The following ABCC4 variants were observed in gnomAD, a reference collection of about 807,000 sequenced individuals.
ABCC4 encodes the protein ATP-binding cassette sub-family C member 4.
Under a neutral mutation model 168.5 loss-of-function variants are expected in ABCC4, and 102 were observed. That is an observed-to-expected ratio of 0.61 (90% CI 0.52 to 0.71). ABCC4 has a LOEUF of 0.71. Ranked by LOEUF, ABCC4 falls within the 30% of genes least tolerant of loss-of-function variation. The pLI is 0.00. For missense variants in ABCC4, 1,402 were observed against 1,605.8 expected (o/e 0.87, Z 2.17); for synonymous variants, 617 against 590.7 (o/e 1.04, Z -0.65).
At chr13:95,222,538 G>A (rs1449431543) in intron 4 of ABCC4, among the ~76,000 whole-genome samples, 1 of 152,186 alleles carries the variant, frequency 6.6e-6, no homozygotes, top group African/African-American at 2.4e-5. Context: ...TGTGGGGTGG[G>A]GGTGCTACAA....
chr13:95,176,379 C>T (rs2037703030), intron 13 of ABCC4, among the ~76,000 whole-genome samples: 1 of 151,954 alleles, frequency 6.6e-6, no homozygotes, highest in African/African-American at 2.4e-5. Flanking sequence ...CCTGTAGTCA[C>T]AGCTACCCGG....
intron 21 of ABCC4, among the ~76,000 whole-genome samples, chr13:95,078,509 T>C (rs1314588671): frequency 6.6e-6 from 1 of 152,210 alleles, no homozygotes; most frequent in African/African-American, 2.4e-5. Flanking sequence ...CTATAACCTG[T>C]AACTTTGCAC....
At chr13:95,270,792 C>T (rs556466864) in intron 1 of ABCC4, among the ~76,000 whole-genome samples, 179 of 152,302 alleles carry the variant, frequency 1.2e-3, no homozygotes, top group Middle Eastern at 3.4e-3. Flanking sequence ...CTTTCAGATG[C>T]CTCATAGATG....
At chr13:95,240,101 T>C (rs757547776) in intron 3 of ABCC4, among the ~76,000 whole-genome samples, 8 of 152,016 alleles carry the variant, frequency 5.3e-5, no homozygotes, top group Admixed American at 2.0e-4. Context: ...TAGATCTAAC[T>C]ACTAACTTCT....
At chr13:95,165,071 T>C (rs527558718) in intron 15 of ABCC4, among the ~76,000 whole-genome samples, 1 of 152,270 alleles carries the variant, frequency 6.6e-6, no homozygotes, top group Admixed American at 6.5e-5. Flanking sequence ...CATTTGGACA[T>C]TGTGGCGTGG....
At chr13:95,270,533 T>C (rs2040821414) in intron 1 of ABCC4, among the ~76,000 whole-genome samples, 1 of 152,130 alleles carries the variant, frequency 6.6e-6, no homozygotes, top group African/African-American at 2.4e-5. Flanking sequence ...TCCTTTGCAG[T>C]TTGGTGAGAC....
chr13:95,049,468 C>T (rs973343634), intron 27 of ABCC4, among the ~76,000 whole-genome samples: 6 of 151,932 alleles, frequency 3.9e-5, no homozygotes, highest in East Asian at 1.9e-4. Flanking sequence ...GGTGAAACCC[C>T]GTCTCTACTA....
rs1331339155 is a variant in ABCC4 at position 95,021,368 on chromosome 13, A to G, written c.*207T>C. ...GGCCTGCACCTCTGATTTGGATTTT[A>G]AAAAACAACTATTGACATTTAAATA... On this transcript the variant is annotated 3_prime_UTR_variant, in exon 31 of 31. Coordinates refer to ENST00000645237, the MANE Select transcript of ABCC4 (RefSeq NM_005845.5). 2.0e-6 allele frequency: 1 copy of G among 492,052 alleles called. No homozygotes were observed. Among genetic ancestry groups the G allele is most frequent in the East Asian group, 3.3e-5 (1 of 30,516 alleles). The allele number at this position is 492,052 out of a possible 1,614,324, so 30.5% of individuals were successfully genotyped here.
intron 28 of ABCC4, 81 bp downstream of exon 28, chr13:95,044,185 A>G (rs1455314901): frequency 9.8e-6 from 13 of 1,329,908 alleles, no homozygotes; most frequent in Non-Finnish European, 1.3e-5. Flanking sequence ...GCACTTAGAA[A>G]TATTTCTCAG....
At chr13:95,045,967 A>T (rs1167115521) in intron 27 of ABCC4, among the ~76,000 whole-genome samples, 1 of 152,216 alleles carries the variant, frequency 6.6e-6, no homozygotes, top group Admixed American at 6.5e-5. Flanking sequence ...TATGGTATTG[A>T]TATTTGGCAT....
chr13:95,261,080 CA>C lies in ABCC4; in HGVS notation c.75-13328del, dbSNP rs2040520779. On this transcript the variant is annotated intron_variant, in intron 1 of 30. Transcript: ENST00000645237. The stretch of plus-strand genomic sequence containing the variant: ...AACATCGCAACCCAAGTCATCTTTT[CA>C]AAAACAATTTTGTAAATGTCCTATT... 2.0e-5 allele frequency among the ~76,000 whole-genome samples: 3 copies of C among 151,986 alleles called. No individual in the cohort carries two copies. In the South Asian group the frequency reaches 6.3e-4, roughly 32 times the overall value.
At chr13:95,049,565 C>T (rs1594008576) in intron 27 of ABCC4, among the ~76,000 whole-genome samples, 2 of 151,852 alleles carry the variant, frequency 1.3e-5, no homozygotes, top group South Asian at 2.1e-4. Flanking sequence ...CGCTTGGACC[C>T]GGGAGGCGGA....
intron 3 of ABCC4, among the ~76,000 whole-genome samples, chr13:95,244,334 G>A (rs1391929970): frequency 5.1e-4 from 78 of 151,758 alleles, no homozygotes; most frequent in Admixed American, 5.1e-3. Context: ...GGTGATTCCT[G>A]CCTATAATCC....
intron 1 of ABCC4, among the ~76,000 whole-genome samples, chr13:95,251,443 A>G (rs2040257542): frequency 6.6e-6 from 1 of 152,216 alleles, no homozygotes; most frequent in Non-Finnish European, 1.5e-5. Context: ...TTAATGGACA[A>G]GTTCAAAATT....
Position 95,021,096 on chromosome 13 carries a change from C to T in ABCC4, c.*479G>A, listed in dbSNP as rs2031064809. 1 of 153,374 alleles carries T rather than the reference C, an allele frequency of 6.5e-6. No homozygotes were observed. Among genetic ancestry groups the T allele is most frequent in the South Asian group, 2.1e-4 (1 of 4,870 alleles). The allele number at this position is 153,374 out of a possible 1,614,324, so 9.5% of individuals were successfully genotyped here. ...CTATTGGTTGTAACTGTACTATTTT[C>T]TAACAAGAAGCCTTCAGGGGAAATA... On this transcript the variant is annotated 3_prime_UTR_variant, in exon 31 of 31. Transcript: ENST00000645237.
chr13:95,157,401 C>T (rs1011433997), intron 19 of ABCC4, among the ~76,000 whole-genome samples: 1 of 151,390 alleles, frequency 6.6e-6, no homozygotes, highest in Non-Finnish European at 1.5e-5. Flanking sequence ...GAGATAGACA[C>T]ATGAGAATTG....
rs144177899 is a variant in ABCC4 at position 95,251,969 on chromosome 13, G to A, written c.75-4216C>T. On this transcript the variant is annotated intron_variant, in intron 1 of 30. Transcript: ENST00000645237. ...TGAAATCTCCCACAAACCCACCCAG[G>A]ATGGGAATCCTCCCTCTGTCCAGCA... 8.6e-4 allele frequency among the ~76,000 whole-genome samples: 131 copies of A among 152,262 alleles called. 1 individual carries two copies. The highest frequency in any genetic ancestry group is 2.8e-3 in the African/African-American group (118 of 41,544).
rs2038889327 is a variant in ABCC4 at position 95,209,537 on chromosome 13, G to A, written c.682C>T (p.Leu228=). The A allele has an allele frequency of 6.2e-7, 1 of 1,614,158 alleles. No individual in the cohort carries two copies. Among genetic ancestry groups the A allele is most frequent in the Admixed American group, 1.7e-5 (1 of 60,030 alleles). ...GATATTCCTATCTCCATCCAGAGTA[G>A]GGCAGTCACTGCAATCGCCTGCAGT... ...GPLQAIAVTA[L]LWMEIGISCL... The change falls in exon 6 of 31, where the codon CTA becomes TTA. Residue 228 remains leucine (L), a synonymous_variant. Coordinates refer to ENST00000645237, the MANE Select transcript of ABCC4 (RefSeq NM_005845.5).
intron 25 of ABCC4, 129 bp from the exon 26 acceptor site, chr13:95,062,988 A>G: frequency 9.0e-7 from 1 of 1,113,464 alleles, no homozygotes; most frequent in Non-Finnish European, 1.3e-6. Context: ...GTAGTCTAAG[A>G]GTTTCCCAAC....
Sources: gnomAD v4.1 joint callset for allele counts (sites outside exome capture counted in the v4.1 genomes callset) on GRCh38, gnomAD v4.1.1 for gene constraint, MANE v1.5 for transcripts, NCBI Gene and HGNC (gene_info 2026-07-23, HGNC 2026-07-21) for gene names.